Variants in MTMR12 observed in about 807,000 individuals in gnomAD.
The protein encoded by MTMR12 is myotubularin-related protein 12.
In MTMR12, 33 loss-of-function variants were observed where a neutral mutation model predicts 96.7. That is an observed-to-expected ratio of 0.34 (90% CI 0.26 to 0.46). The LOEUF (loss-of-function observed/expected upper bound fraction) is 0.46. Ranked by LOEUF, MTMR12 falls within the 20% of genes least tolerant of loss-of-function variation. The probability of loss-of-function intolerance (pLI) is 1.00; values close to 1 mark genes in which losing one functional copy is unlikely to be tolerated. For synonymous variants in MTMR12, 298 were observed against 327.2 expected, an observed-to-expected ratio of 0.91 and a Z score of 0.96; for missense variants, 721 against 896.1, an observed-to-expected ratio of 0.80 and a Z score of 2.49.
At chr5:32,310,640 G>C (rs1751544059) in intron 1 of MTMR12, among the ~76,000 whole-genome samples, 1 of 152,186 alleles carries the variant, frequency 6.6e-6, no homozygotes, top group South Asian at 2.1e-4. Context: ...GTTACCAAAA[G>C]CTGGGAAGGG....
At chr5:32,240,128 C>T (rs1385031489) in intron 12 of MTMR12, among the ~76,000 whole-genome samples, 2 of 152,092 alleles carry the variant, frequency 1.3e-5, no homozygotes, top group Non-Finnish European at 2.9e-5. Context: ...AGGCCGGGCG[C>T]GGTGGCTCAT....
chr5:32,266,884 C>G (rs537231926), intron 6 of MTMR12, among the ~76,000 whole-genome samples: 2 of 151,944 alleles, frequency 1.3e-5, no homozygotes, highest in South Asian at 4.2e-4. Context: ...TAGAGACCAG[C>G]CTGGCCAACA....
intron 4 of MTMR12, among the ~76,000 whole-genome samples, chr5:32,271,438 G>A (rs1259152567): frequency 6.6e-6 from 1 of 152,208 alleles, no homozygotes; most frequent in African/African-American, 2.4e-5. Context: ...ACATTCGGAA[G>A]TGGAACAGAG....
intron 1 of MTMR12, 21 bp from the exon 2 acceptor site, chr5:32,276,763 A>C: frequency 6.2e-7 from 1 of 1,602,962 alleles, no homozygotes; most frequent in Non-Finnish European, 8.5e-7. Context: ...AGAGCAAAGG[A>C]TATTTTTCTT....
chr5:32,251,087 G>T, intron 8 of MTMR12, among the ~76,000 whole-genome samples: 1 of 131,146 alleles, frequency 7.6e-6, no homozygotes. Context: ...ACGGAGTCTC[G>T]CTCTGTCGCC....
chr5:32,240,215 A>G (rs951543988), intron 12 of MTMR12, among the ~76,000 whole-genome samples: 1 of 152,116 alleles, frequency 6.6e-6, no homozygotes, highest in African/African-American at 2.4e-5. Flanking sequence ...TCTGACCAAC[A>G]TGGTGAAACC....
intron 7 of MTMR12, among the ~76,000 whole-genome samples, 195 bp downstream of exon 7, chr5:32,262,918 G>A (rs1167541778): frequency 6.6e-6 from 1 of 152,220 alleles, no homozygotes; most frequent in Non-Finnish European, 1.5e-5. Context: ...TGGTTGTCTA[G>A]GACTGGGGAA....
chr5:32,266,883 G>A (rs1215042070), intron 6 of MTMR12, among the ~76,000 whole-genome samples: 2 of 151,870 alleles, frequency 1.3e-5, no homozygotes, highest in Non-Finnish European at 2.9e-5. Flanking sequence ...TTAGAGACCA[G>A]CCTGGCCAAC....
chr5:32,287,879 G>A (rs62363268), intron 1 of MTMR12, among the ~76,000 whole-genome samples: 64,289 of 151,876 alleles, frequency 0.42, 13,914 homozygotes, highest in East Asian at 0.58. Context: ...AGAACCAAGG[G>A]ACATAATGAA....
Position 32,312,454 on chromosome 5 carries a change from A to T in MTMR12, c.81+304T>A, listed in dbSNP as rs1039662485. Among the ~76,000 whole-genome samples, 2 of 152,092 alleles carry T rather than the reference A, an allele frequency of 1.3e-5. No homozygotes were observed. Among genetic ancestry groups the T allele is most frequent in the African/African-American group, 2.4e-5 (1 of 41,426 alleles). On this transcript the variant is annotated intron_variant, in intron 1 of 15. Transcript: ENST00000382142. This position sits in a 1 kb window ranked among gnomAD's most constrained non-coding sequence, Gnocchi z 5.0. ...CCCTCCCAGCAGTGCCCACAACCCC[A>T]GGTCCTCTCCAGAATCCCCAGGGGC...
chr5:32,233,999 C>A lies in MTMR12; in HGVS notation c.1513-65G>T. 4 of 1,518,234 alleles carry A rather than the reference C, an allele frequency of 2.6e-6. No homozygotes were observed. The highest frequency in any genetic ancestry group is 3.6e-6 in the Non-Finnish European group (4 of 1,099,438). 94.0% of individuals were successfully genotyped at this position (1,518,234 alleles called of 1,614,324 possible). A position where few individuals can be genotyped will look rare whatever the true frequency, so the allele number is the denominator to read the frequency against. On this transcript the variant is annotated intron_variant, in intron 14 of 15. Transcript: ENST00000382142. This position sits in a 1 kb window ranked among gnomAD's most constrained non-coding sequence, Gnocchi z 5.0. ...GGCTGAGGAAGGCAAACACATACTTCTGGACACAGGCACCAGGAAGCATGC... is the reference window on the plus strand; with the variant it reads ...GGCTGAGGAAGGCAAACACATACTTATGGACACAGGCACCAGGAAGCATGC...
intron 15 of MTMR12, among the ~76,000 whole-genome samples, chr5:32,230,758 G>A (rs1747964137): frequency 6.6e-6 from 1 of 152,224 alleles, no homozygotes; most frequent in African/African-American, 2.4e-5. Flanking sequence ...GGAAAAAGAT[G>A]TTTCTTCTTT....
intron 1 of MTMR12, among the ~76,000 whole-genome samples, chr5:32,311,338 G>A (rs1326045697): frequency 2.6e-5 from 4 of 152,200 alleles, no homozygotes; most frequent in African/African-American, 4.8e-5. Flanking sequence ...GCTAACAGAG[G>A]AAATGGTTTG....
Position 32,227,513 on chromosome 5 carries a change from C to CA in MTMR12, c.*2264dup, listed in dbSNP as rs1747778435. On this transcript the variant is annotated 3_prime_UTR_variant, in exon 16 of 16. Coordinates refer to ENST00000382142, the MANE Select transcript of MTMR12 (RefSeq NM_001040446.3). ...GTCAATGCACATTCAACTGCTATGA[C>CA]AAAGGCCATGACCTTGTGCCTTTAA... 1 of 152,630 alleles carries CA rather than the reference C, an allele frequency of 6.6e-6. No individual in the cohort carries two copies. The highest frequency in any genetic ancestry group is 2.4e-5 in the African/African-American group (1 of 41,436). The allele number at this position is 152,630 out of a possible 1,614,324, so 9.5% of individuals were successfully genotyped here.
intron 15 of MTMR12, among the ~76,000 whole-genome samples, chr5:32,232,756 G>A (rs917086124): frequency 2.6e-5 from 4 of 152,214 alleles, no homozygotes; most frequent in African/African-American, 9.6e-5. Flanking sequence ...CTGGGCCTGC[G>A]GCCCCTAAAA....
At chr5:32,302,252 C>T (rs1402160484) in intron 1 of MTMR12, among the ~76,000 whole-genome samples, 1 of 152,184 alleles carries the variant, frequency 6.6e-6, no homozygotes, top group Non-Finnish European at 1.5e-5. Flanking sequence ...ATCAAAACAG[C>T]ATGGTTTTAC....
At position 32,295,798 on chromosome 5, in the gene MTMR12, G is replaced by C. The variant is rs115439461; in HGVS notation, c.81+16960C>G. On this transcript the variant is annotated intron_variant, in intron 1 of 15. Coordinates refer to ENST00000382142, the MANE Select transcript of MTMR12 (RefSeq NM_001040446.3). ...CAGAACTAAATAGATGGTAAAGCCA[G>C]AACTCAGTATCAATTCTGACACCAA... 2.5e-3 allele frequency among the ~76,000 whole-genome samples: 388 copies of C among 152,256 alleles called. 1 individual carries two copies. The highest frequency in any genetic ancestry group is 8.9e-3 in the African/African-American group (368 of 41,562).
intron 1 of MTMR12, among the ~76,000 whole-genome samples, chr5:32,302,283 G>A (rs891788656): frequency 8.5e-5 from 13 of 152,208 alleles, no homozygotes; most frequent in Non-Finnish European, 1.9e-4. Flanking sequence ...GAAATAAAGA[G>A]AGTATTAGTT....
intron 1 of MTMR12, among the ~76,000 whole-genome samples, chr5:32,279,967 G>A (rs901445993): frequency 6.6e-6 from 1 of 152,172 alleles, no homozygotes; most frequent in Non-Finnish European, 1.5e-5. Flanking sequence ...GTACCAGTCC[G>A]CAGTCTAGGG....
Sources: allele counts gnomAD v4.1 joint callset (sites outside exome capture counted in the v4.1 genomes callset), GRCh38; gene constraint gnomAD v4.1.1; non-coding constraint Gnocchi (gnomAD v3.1); transcripts MANE v1.5; gene names NCBI Gene and HGNC (gene_info 2026-07-23, HGNC 2026-07-21).